Variants in TRIM17 observed in about 807,000 individuals in gnomAD.
The protein encoded by TRIM17 is tripartite motif containing 17.
Under a neutral mutation model 35.8 loss-of-function variants are expected in TRIM17, and 27 were observed. That is an observed-to-expected ratio of 0.75 (90% CI 0.56 to 1.04). The LOEUF (loss-of-function observed/expected upper bound fraction) is 1.04, where lower values mean the gene tolerates loss of function less well. Among genes scored for constraint, TRIM17 ranks in the 50% least tolerant of loss-of-function variants. The pLI is 0.00. For synonymous variants in TRIM17, 246 were observed against 252.6 expected (o/e 0.97, Z 0.25); for missense variants, 582 against 612.8 (o/e 0.95, Z 0.53).
intron 6 of TRIM17, 82 bp downstream of exon 6, chr1:228,409,090 G>T (rs780053745): frequency 1.2e-6 from 2 of 1,613,790 alleles, no homozygotes; most frequent in Non-Finnish European, 1.7e-6. Context: ...CCCCCCATTG[G>T]TGGCTTCCGA....
intron 1 of TRIM17, chr1:228,416,296 G>A: frequency 1.0e-6 from 1 of 979,614 alleles, no homozygotes; most frequent in Non-Finnish European, 1.2e-6. Flanking sequence ...AAGCCGGGCA[G>A]GGACAGCGGC....
At chr1:228,412,993 C>G (rs1245500829) in intron 3 of TRIM17, among the ~76,000 whole-genome samples, 1 of 151,972 alleles carries the variant, frequency 6.6e-6, no homozygotes, top group African/African-American at 2.4e-5. Flanking sequence ...GGCAGATCAC[C>G]TGAGGTCAGG....
At position 228,408,328 on chromosome 1, in the gene TRIM17, T is replaced by C; in HGVS notation, c.1307A>G (p.Asp436Gly). 2 of 1,613,728 alleles carry C rather than the reference T, an allele frequency of 1.2e-6. No homozygotes were observed. The highest frequency in any genetic ancestry group is 1.7e-6 in the Non-Finnish European group (2 of 1,179,772). Residue 436 changes from aspartate (D) to glycine (G), a missense_variant, in exon 7 of 7, where the codon GAT (aspartate) becomes GGT (glycine). Coordinates refer to ENST00000366698, the MANE Select transcript of TRIM17 (RefSeq NM_016102.4). The surrounding 1 kb of genome is among the most constrained non-coding windows in gnomAD (Gnocchi z 6.3). ...GGAGTAGGTGTGCAGGTGGGACCCA[T>C]CGCTTACACTGTAGAAGGACACTTC... ...AGEVSFYSVS[D>G]GSHLHTYSQA...
rs760961068 is a variant in TRIM17, at chr1:228,408,696, G to T, written c.939C>A (p.Ser313Arg). 27 of 1,608,178 alleles carry T rather than the reference G, an allele frequency of 1.7e-5. No individual in the cohort carries two copies. The highest frequency in any genetic ancestry group is 2.1e-5 in the Non-Finnish European group (25 of 1,180,008). ...SAYPYLLLYE[S>R]RQRRYLGSSP... Reference sequence around the variant, plus strand: ...AAGAGCCGAGGTAGCGCCTCTGGCGGCTCTCATACAGGAGGAGGTAGGGGT... The same window carrying T: ...AAGAGCCGAGGTAGCGCCTCTGGCGTCTCTCATACAGGAGGAGGTAGGGGT... Residue 313 changes from serine (S) to arginine (R), a missense_variant, in exon 7 of 7, where the codon AGC becomes AGA. Physicochemically the swap from Ser to Arg is moderately radical, Grantham distance 110. Transcript: ENST00000366698. This position sits in a 1 kb window ranked among gnomAD's most constrained non-coding sequence, Gnocchi z 6.3.
chr1:228,412,606 A>G (rs1341092938), intron 3 of TRIM17, among the ~76,000 whole-genome samples: 1 of 148,170 alleles, frequency 6.7e-6, no homozygotes, highest in African/African-American at 2.5e-5. Context: ...AAAAAAAAAA[A>G]AAAAAAAAAA....
chr1:228,416,722 G>GGGGGTGGGC lies in TRIM17; in HGVS notation c.-226_-225insGCCCACCCC. ...GGGGCTGGGGGGCGGCGGGGGAGGG[G>GGGGGTGGGC]AATGCTGGGCGAGGGAGTGTTCGGC... On this transcript the variant is annotated 5_prime_UTR_variant, in exon 1 of 7. Coordinates refer to ENST00000366698, the MANE Select transcript of TRIM17 (RefSeq NM_016102.4). 8.8e-6 allele frequency: 5 copies of GGGGGTGGGC among 568,096 alleles called. No homozygotes were observed. The highest frequency in any genetic ancestry group is 8.8e-6 in the Non-Finnish European group (4 of 453,582). The allele number at this position is 568,096 out of a possible 1,614,324, so 35.2% of individuals were successfully genotyped here. A position where few individuals can be genotyped will look rare whatever the true frequency, so the allele number is the denominator to read the frequency against.
Position 228,409,211 on chromosome 1 carries a change from T to C in TRIM17, c.844A>G (p.Arg282Gly). Residue 282 changes from arginine (R) to glycine (G), a missense_variant, in exon 6 of 7, where the codon AGA (arginine) becomes GGA (glycine). Coordinates refer to ENST00000366698, the MANE Select transcript of TRIM17 (RefSeq NM_016102.4). ...APPTRPRTVC[R>G]VPGQIEVLRG... The stretch of plus-strand genomic sequence containing the variant: ...AGCACTTCAATCTGTCCGGGAACTC[T>C]GCACACAGTCCTGGGTCTGGTTGGG... 3 of 1,614,050 alleles carry C rather than the reference T, an allele frequency of 1.9e-6. No individual in the cohort carries two copies. Among genetic ancestry groups the C allele is most frequent in the Non-Finnish European group, 2.5e-6 (3 of 1,179,992 alleles).
chr1:228,416,801 G>C lies in TRIM17; in HGVS notation c.-304C>G. ...AGAGGTTGGGGGTGGCTTGGGGAAG[G>C]AAGGCGGCAGGGGGTGGAAGGCTCT... is the stretch of plus-strand genomic sequence containing the variant. On this transcript the variant is annotated 5_prime_UTR_variant, in exon 1 of 7. Coordinates refer to ENST00000366698, the MANE Select transcript of TRIM17 (RefSeq NM_016102.4). 2 of 984,456 alleles carry C rather than the reference G, an allele frequency of 2.0e-6. No homozygotes were observed. The highest frequency in any genetic ancestry group is 2.4e-6 in the Non-Finnish European group (2 of 829,508). The allele number at this position is 984,456 out of a possible 1,614,324, so 61.0% of individuals were successfully genotyped here.
chr1:228,409,165 C>T lies in TRIM17; in HGVS notation c.883+7G>A. 1 of 1,614,050 alleles carries T rather than the reference C, an allele frequency of 6.2e-7. No homozygotes were observed. Among genetic ancestry groups the T allele is most frequent in the Non-Finnish European group, 8.5e-7 (1 of 1,180,000 alleles). On this transcript the variant is annotated splice_region_variant and intron_variant, in intron 6 of 6. Transcript: ENST00000366698. ...GTCAGAGGTCCTGGCCCTGGGTGCC[C>T]ACTTACCTAGAAAGCCTCTTAGCAC... is the stretch of plus-strand genomic sequence containing the variant.
chr1:228,413,283 CAGAA>C (rs921510069), intron 3 of TRIM17, among the ~76,000 whole-genome samples: 2 of 151,784 alleles, frequency 1.3e-5, no homozygotes, highest in African/African-American at 2.4e-5. Flanking sequence ...GCATCTATAC[CAGAA>C]AGAGAGTTCC....
intron 1 of TRIM17, among the ~76,000 whole-genome samples, chr1:228,416,184 C>T (rs1288683330): frequency 6.6e-6 from 1 of 152,202 alleles, no homozygotes; most frequent in Non-Finnish European, 1.5e-5. Flanking sequence ...CGGCTCTGTC[C>T]CACGTCCAGT....
chr1:228,413,886 G>C lies in TRIM17; in HGVS notation c.436C>G (p.Leu146Val). Residue 146 changes from leucine to valine, a missense_variant, in exon 3 of 7, where the codon CTG (leucine) becomes GTG (valine). Transcript: ENST00000366698. ...EEAVQGYKLK[L>V]EEDMEYLREQ... is the part of the protein sequence containing the mutation. ...CGAAGGTACTCCATGTCCTCCTCCA[G>C]CTTCAACTGTGGGACACACAAACCG... 6.2e-7 allele frequency: 1 copy of C among 1,613,980 alleles called. No homozygotes were observed. The highest frequency in any genetic ancestry group is 1.3e-5 in the African/African-American group (1 of 75,054).
At chr1:228,416,416 A>G (rs905718756) in intron 1 of TRIM17, 123 bp downstream of exon 1, 19 of 986,656 alleles carry the variant, frequency 1.9e-5, no homozygotes, top group Non-Finnish European at 9.6e-6. Flanking sequence ...CCCTCCAGGG[A>G]CGCGGCGGCC....
rs1656737496 is a variant in TRIM17, at chr1:228,410,886, C to T, written c.756+60G>A. On this transcript the variant is annotated intron_variant, in intron 4 of 6. Coordinates refer to ENST00000366698, the MANE Select transcript of TRIM17 (RefSeq NM_016102.4). This position sits in a 1 kb window ranked among gnomAD's most constrained non-coding sequence, Gnocchi z 4.6. ...GCTGCCTCTTCCCCAAGCCCAGCGC[C>T]CCCTGCCCATGCCTGTCAGAGCTCA... 3 of 1,250,562 alleles carry T rather than the reference C, an allele frequency of 2.4e-6. No individual in the cohort carries two copies. The highest frequency in any genetic ancestry group is 1.5e-5 in the African/African-American group (1 of 66,196). 77.5% of individuals were successfully genotyped at this position (1,250,562 alleles called of 1,614,324 possible).
chr1:228,409,006 C>T, intron 6 of TRIM17, 166 bp downstream of exon 6: 2 of 1,565,062 alleles, frequency 1.3e-6, no homozygotes, highest in East Asian at 2.4e-5. Flanking sequence ...TGAATTAGAA[C>T]CACCAGTAAC....
rs1463229973 is a variant in TRIM17 at position 228,416,634 on chromosome 1, G to A, written c.-137C>T. ...CTGCCCCCACGAAGCCCAGGAGGCT[G>A]CGGCCCGGCCCGGGGCGTGGGGACC... On this transcript the variant is annotated 5_prime_UTR_variant, in exon 1 of 7. Coordinates refer to ENST00000366698, the MANE Select transcript of TRIM17 (RefSeq NM_016102.4). 2 of 985,412 alleles carry A rather than the reference G, an allele frequency of 2.0e-6. No individual in the cohort carries two copies. Among genetic ancestry groups the A allele is most frequent in the East Asian group, 1.1e-4 (1 of 8,738 alleles). The allele number at this position is 985,412 out of a possible 1,614,324, so 61.0% of individuals were successfully genotyped here.
Position 228,414,686 on chromosome 1 carries a change from C to T in TRIM17, c.387G>A (p.Leu129=), listed in dbSNP as rs753431692. 1.9e-6 allele frequency: 3 copies of T among 1,611,880 alleles called. No individual in the cohort carries two copies. The highest frequency in any genetic ancestry group is 2.5e-6 in the Non-Finnish European group (3 of 1,180,036). The change falls in exon 2 of 7, where the codon CTG becomes CTA. Residue 129 remains leucine (L), a synonymous_variant. Coordinates refer to ENST00000366698, the MANE Select transcript of TRIM17 (RefSeq NM_016102.4). The part of the protein sequence containing the change: ...VVCRESREHR[L]HRVLPAEEAV... Reference sequence around the variant, plus strand: ...CCTCCTCGGCGGGCAGCACCCTGTGCAGCCGGTGCTCCCGGGACTCCCTGC... The same window carrying T: ...CCTCCTCGGCGGGCAGCACCCTGTGTAGCCGGTGCTCCCGGGACTCCCTGC...
chr1:228,410,986 AG>A lies in TRIM17; in HGVS notation c.715del (p.Leu239TrpfsTer16). 6.2e-7 allele frequency: 1 copy of A among 1,604,298 alleles called. No homozygotes were observed. The highest frequency in any genetic ancestry group is 1.1e-5 in the South Asian group (1 of 90,170). ...GGGCCCCTGTGTGCTCCGCTCCTCC[AG>A]CTGCAGCAGCAGCAGCTCCAGAGAG... The part of the protein sequence containing the change: ...GHSLELLLLQ[L>X]EERSTQGPLQ... On this transcript the variant is annotated frameshift_variant, in exon 4 of 7. Coordinates refer to ENST00000366698, the MANE Select transcript of TRIM17 (RefSeq NM_016102.4). LOFTEE classifies it high-confidence loss of function. This position sits in a 1 kb window ranked among gnomAD's most constrained non-coding sequence, Gnocchi z 4.6.
intron 2 of TRIM17, among the ~76,000 whole-genome samples, chr1:228,414,262 G>A (rs1354110637): frequency 1.3e-5 from 2 of 152,192 alleles, no homozygotes; most frequent in African/African-American, 2.4e-5. Flanking sequence ...TCAGGTACAT[G>A]TTTGGCTCTA....
Sources: allele counts gnomAD v4.1 joint callset (sites outside exome capture counted in the v4.1 genomes callset), GRCh38; gene constraint gnomAD v4.1.1; non-coding constraint Gnocchi (gnomAD v3.1); transcripts MANE v1.5; gene names NCBI Gene and HGNC (gene_info 2026-07-23, HGNC 2026-07-21).